FAR2: variants seen among roughly 807,000 people sequenced by gnomAD.
The protein encoded by FAR2 is fatty acyl-CoA reductase 2.
In FAR2, 19 loss-of-function variants were observed where a neutral mutation model predicts 56.0. The ratio of observed to expected loss-of-function variants is 0.34; its 90% CI spans 0.24 to 0.50. The LOEUF is 0.50. Ranked by LOEUF, FAR2 falls within the 20% of genes least tolerant of loss-of-function variation. FAR2 has a pLI of 0.98. For synonymous variants in FAR2, 219 were observed against 218.8 expected (o/e 1.00, Z -0.01); for missense variants, 508 against 642.2 (o/e 0.79, Z 2.26).
At chr12:29,322,027 G>A in intron 10 of FAR2, 103 bp downstream of exon 10, 4 of 1,334,866 alleles carry the variant, frequency 3.0e-6, no homozygotes, top group Non-Finnish European at 4.0e-6. Context: ...TTTGGTTATA[G>A]ACACAGATTT....
chr12:29,256,552 A>G (rs1258216303), intron 1 of FAR2, among the ~76,000 whole-genome samples: 2 of 152,132 alleles, frequency 1.3e-5, no homozygotes, highest in Non-Finnish European at 2.9e-5. Context: ...GCACTTGAGG[A>G]GCCCTTCAGC....
At chr12:29,246,877 T>C (rs886369326) in intron 1 of FAR2, among the ~76,000 whole-genome samples, 1 of 151,980 alleles carries the variant, frequency 6.6e-6, no homozygotes, top group African/African-American at 2.4e-5. Context: ...TCTTCTAACA[T>C]GGAACAAGTT....
At chr12:29,194,374 G>A (rs765715463) in intron 1 of FAR2, among the ~76,000 whole-genome samples, 15 of 152,044 alleles carry the variant, frequency 9.9e-5, no homozygotes, top group Admixed American at 8.5e-4. Context: ...AGCTAAATGC[G>A]CATTTCTTCC....
chr12:29,270,282 C>G, intron 1 of FAR2, 130 bp from the exon 2 acceptor site: 1 of 582,744 alleles, frequency 1.7e-6, no homozygotes, highest in Non-Finnish European at 2.9e-6. Context: ...TTAAAAGCCA[C>G]GATGCTCTCA....
chr12:29,298,142 C>G (rs1355522696), intron 4 of FAR2, among the ~76,000 whole-genome samples: 1 of 151,676 alleles, frequency 6.6e-6, no homozygotes, highest in African/African-American at 2.4e-5. Context: ...ACTTTCTTTA[C>G]TGTCCTAGGA....
rs1322697054 is a variant in FAR2, at chr12:29,188,778, G to GT, written c.-39+39383dup. 1.4e-3 allele frequency among the ~76,000 whole-genome samples: 198 copies of GT among 138,632 alleles called. 1 individual carries two copies. The highest frequency in any genetic ancestry group is 3.7e-3 in the Middle Eastern group (1 of 272). 90.9% of individuals were successfully genotyped at this position (138,632 alleles called of 152,430 possible). On this transcript the variant is annotated intron_variant, in intron 1 of 11. Transcript: ENST00000536681. The stretch of plus-strand genomic sequence containing the variant: ...TTGTTTGTTTGATTGTTTGTTTTTT[G>GT]TTTTTTTTTTTTCATGACCCTGACA...
chr12:29,321,757 G>A lies in FAR2; in HGVS notation c.1128-38G>A, dbSNP rs768198802. 4.4e-6 allele frequency: 7 copies of A among 1,605,710 alleles called. No homozygotes were observed. The Admixed American group carries it at 8.4e-5, about 19-fold the overall frequency. ...ATCCCTGTAGAGTGACAGGGAAGTG[G>A]TGCGCTGATATTTACTCCTATCTGA... On this transcript the variant is annotated intron_variant, in intron 9 of 11. Transcript: ENST00000536681.
At chr12:29,325,348 GA>G (rs1480322267) in intron 10 of FAR2, among the ~76,000 whole-genome samples, 1 of 152,130 alleles carries the variant, frequency 6.6e-6, no homozygotes, top group Admixed American at 6.5e-5. Flanking sequence ...CAATGACACA[GA>G]AAGTTAACAA....
At chr12:29,296,019 C>T (rs1460450408) in intron 3 of FAR2, among the ~76,000 whole-genome samples, 4 of 151,904 alleles carry the variant, frequency 2.6e-5, no homozygotes, top group African/African-American at 4.8e-5. Context: ...CCACCCGCCT[C>T]GGCCTCCCAA....
chr12:29,282,842 A>G (rs1222215788), intron 2 of FAR2, among the ~76,000 whole-genome samples: 4 of 152,220 alleles, frequency 2.6e-5, no homozygotes, highest in Non-Finnish European at 5.9e-5. Context: ...TAAAAAATCC[A>G]TTGGCCACAG....
At chr12:29,204,232 AT>A (rs200768715) in intron 1 of FAR2, among the ~76,000 whole-genome samples, 22 of 150,942 alleles carry the variant, frequency 1.5e-4, no homozygotes, top group African/African-American at 4.4e-4. Flanking sequence ...ATTTTTTCAC[AT>A]TTTTTTTTCA....
chr12:29,153,111 A>G (rs1949694222), intron 1 of FAR2, among the ~76,000 whole-genome samples: 1 of 152,232 alleles, frequency 6.6e-6, no homozygotes, highest in African/African-American at 2.4e-5. Context: ...GCTTTTCCAC[A>G]TTTGGTGTTG....
intron 4 of FAR2, among the ~76,000 whole-genome samples, chr12:29,307,420 C>T (rs1949269722): frequency 6.6e-6 from 1 of 151,908 alleles, no homozygotes; most frequent in Admixed American, 6.6e-5. Context: ...TACCTACCTA[C>T]CTACCTACCT....
chr12:29,198,013 A>T (rs958896860), intron 1 of FAR2, among the ~76,000 whole-genome samples: 18 of 152,354 alleles, frequency 1.2e-4, no homozygotes, highest in African/African-American at 4.3e-4. Flanking sequence ...TGGTGACATT[A>T]AATGTATTTC....
chr12:29,241,487 G>T (rs7954375), intron 1 of FAR2, among the ~76,000 whole-genome samples: 87,101 of 151,788 alleles, frequency 0.57, 25,774 homozygotes, highest in African/African-American at 0.72. Context: ...TCCCTTCTCT[G>T]CAGGAAAAAA....
intron 1 of FAR2, among the ~76,000 whole-genome samples, chr12:29,266,897 A>G (rs1451492049): frequency 1.3e-5 from 2 of 152,154 alleles, no homozygotes; most frequent in African/African-American, 4.8e-5. Context: ...AAATATCCTA[A>G]CAGTATATTT....
At chr12:29,249,826 A>C (rs192972633) in intron 1 of FAR2, among the ~76,000 whole-genome samples, 44 of 152,276 alleles carry the variant, frequency 2.9e-4, no homozygotes, top group Non-Finnish European at 6.0e-4. Context: ...AAGGTACAAG[A>C]CATGATCTGG....
intron 1 of FAR2, among the ~76,000 whole-genome samples, chr12:29,184,141 A>G (rs1950016214): frequency 6.6e-6 from 1 of 152,206 alleles, no homozygotes; most frequent in Non-Finnish European, 1.5e-5. Flanking sequence ...CAAAGGCAGA[A>G]AATTTCTGAG....
intron 1 of FAR2, among the ~76,000 whole-genome samples, chr12:29,174,428 T>A (rs1277108140): frequency 8.4e-6 from 1 of 119,296 alleles, no homozygotes; most frequent in African/African-American, 3.5e-5. Context: ...TTATTCTTTT[T>A]TTTTTTTTTT....
Sources: gnomAD v4.1 joint callset for allele counts (sites outside exome capture counted in the v4.1 genomes callset) on GRCh38, gnomAD v4.1.1 for gene constraint, MANE v1.5 for transcripts, NCBI Gene and HGNC (gene_info 2026-07-23, HGNC 2026-07-21) for gene names.